The following UBE2E2 variants were observed in gnomAD, a reference collection of about 807,000 sequenced individuals.
UBE2E2 encodes ubiquitin conjugating enzyme E2 E2, also known as ubiquitin-conjugating enzyme E2 E2.
In UBE2E2, 6 loss-of-function variants were observed where a neutral mutation model predicts 24.7. The ratio of observed to expected loss-of-function variants is 0.24; its 90% CI spans 0.13 to 0.48. The LOEUF (loss-of-function observed/expected upper bound fraction) is 0.48, where lower values mean the gene tolerates loss of function less well. UBE2E2 is among the 20% of genes least tolerant of loss of function. The probability of loss-of-function intolerance (pLI) is 0.99; values close to 1 mark genes in which losing one functional copy is unlikely to be tolerated. For missense variants in UBE2E2, 169 were observed against 245.0 expected, an observed-to-expected ratio of 0.69 and a Z score of 2.07; for synonymous variants, 104 against 83.6, an observed-to-expected ratio of 1.24 and a Z score of -1.33.
chr3:23,549,718 C>A (rs1447481938), intron 5 of UBE2E2, among the ~76,000 whole-genome samples: 1 of 152,048 alleles, frequency 6.6e-6, no homozygotes, highest in East Asian at 1.9e-4. Flanking sequence ...GGTGTGATGA[C>A]CTCGCCTTTG....
intron 3 of UBE2E2, among the ~76,000 whole-genome samples, chr3:23,335,374 T>G (rs954760513): frequency 2.6e-5 from 4 of 152,166 alleles, no homozygotes; most frequent in Non-Finnish European, 5.9e-5. Flanking sequence ...CAAGTATTTA[T>G]TTTGACTAAA....
intron 3 of UBE2E2, among the ~76,000 whole-genome samples, chr3:23,341,657 T>C (rs910034073): frequency 1.3e-5 from 2 of 152,204 alleles, no homozygotes; most frequent in African/African-American, 4.8e-5. Context: ...GCATAAACTG[T>C]ATTCTAAAGC....
At chr3:23,355,713 G>A (rs1007738123) in intron 3 of UBE2E2, among the ~76,000 whole-genome samples, 11 of 152,138 alleles carry the variant, frequency 7.2e-5, no homozygotes, top group East Asian at 1.9e-4. Flanking sequence ...CACAGTCTCC[G>A]TAGATACTAA....
intron 3 of UBE2E2, among the ~76,000 whole-genome samples, chr3:23,400,945 CAAACAAAT>C (rs1399211946): frequency 1.3e-5 from 2 of 152,086 alleles, no homozygotes; most frequent in African/African-American, 4.8e-5. Flanking sequence ...AGGCTGTAAT[CAAACAAAT>C]AAATAAGAAA....
intron 4 of UBE2E2, among the ~76,000 whole-genome samples, chr3:23,513,109 A>G (rs1694646503): frequency 1.3e-5 from 2 of 152,146 alleles, no homozygotes; most frequent in Admixed American, 6.5e-5. Flanking sequence ...ATAAAGCAAT[A>G]TGTTTATTTC....
intron 3 of UBE2E2, among the ~76,000 whole-genome samples, chr3:23,262,482 T>G (rs1697931366): frequency 6.6e-6 from 1 of 152,180 alleles, no homozygotes. Context: ...GGTCTCATTA[T>G]GTTGCCTAGG....
At chr3:23,356,243 A>C (rs1057331504) in intron 3 of UBE2E2, among the ~76,000 whole-genome samples, 3 of 152,236 alleles carry the variant, frequency 2.0e-5, no homozygotes, top group Non-Finnish European at 4.4e-5. Flanking sequence ...CATTGAATTT[A>C]GATGATCAAG....
rs751307366 is a variant in UBE2E2 at position 23,475,327 on chromosome 3, G to C, written c.228-24281G>C. On this transcript the variant is annotated intron_variant, in intron 3 of 5. Coordinates refer to ENST00000396703, the MANE Select transcript of UBE2E2 (RefSeq NM_152653.4). ...CTCTGCAATACAGCCCTTTTTACCT[G>C]AATTTCATACCTGGCTGGCATCTGC... 2.6e-5 allele frequency among the ~76,000 whole-genome samples: 4 copies of C among 151,996 alleles called. No homozygotes were observed. The East Asian group carries it at 7.7e-4, about 29-fold the overall frequency.
chr3:23,490,680 T>G (rs1169937725), intron 3 of UBE2E2, among the ~76,000 whole-genome samples: 1 of 152,230 alleles, frequency 6.6e-6, no homozygotes, highest in Non-Finnish European at 1.5e-5. Context: ...TCGTTTACTC[T>G]CTAAGCTTGC....
intron 3 of UBE2E2, among the ~76,000 whole-genome samples, chr3:23,218,852 A>G (rs1559443502): frequency 6.6e-6 from 1 of 152,194 alleles, no homozygotes; most frequent in African/African-American, 2.4e-5. Context: ...CCATAGTTCT[A>G]TTAAAAGTAA....
chr3:23,561,400 C>G (rs1695926112), intron 5 of UBE2E2, among the ~76,000 whole-genome samples: 2 of 152,094 alleles, frequency 1.3e-5, no homozygotes, highest in Admixed American at 6.5e-5. Flanking sequence ...GGTATTATTT[C>G]TGAGGGTTCT....
At chr3:23,413,672 G>A (rs1697551124) in intron 3 of UBE2E2, among the ~76,000 whole-genome samples, 1 of 152,072 alleles carries the variant, frequency 6.6e-6, no homozygotes, top group Non-Finnish European at 1.5e-5. Context: ...CCTTCTCTGT[G>A]TTCCCACAGA....
At chr3:23,500,697 T>C (rs1330146451) in intron 4 of UBE2E2, among the ~76,000 whole-genome samples, 1 of 152,170 alleles carries the variant, frequency 6.6e-6, no homozygotes, top group African/African-American at 2.4e-5. Flanking sequence ...ATAATTCCCC[T>C]CCCTCCTCTT....
chr3:23,428,153 A>G (rs1239071918), intron 3 of UBE2E2, among the ~76,000 whole-genome samples: 1 of 152,232 alleles, frequency 6.6e-6, no homozygotes, highest in African/African-American at 2.4e-5. Flanking sequence ...TCACCAAGGT[A>G]AACTGCATTC....
At chr3:23,460,900 G>A (rs1230465216) in intron 3 of UBE2E2, among the ~76,000 whole-genome samples, 1 of 152,176 alleles carries the variant, frequency 6.6e-6, no homozygotes, top group Non-Finnish European at 1.5e-5. Flanking sequence ...ATAGCCTGCT[G>A]TTTTAGGTTC....
intron 5 of UBE2E2, among the ~76,000 whole-genome samples, chr3:23,545,759 A>G (rs560203750): frequency 1.9e-4 from 29 of 152,332 alleles, no homozygotes; most frequent in African/African-American, 5.8e-4. Flanking sequence ...TATGGAACCA[A>G]TCTAAGTGCC....
chr3:23,352,328 A>G (rs969271424), intron 3 of UBE2E2, among the ~76,000 whole-genome samples: 17 of 152,194 alleles, frequency 1.1e-4, no homozygotes, highest in Non-Finnish European at 2.4e-4. Flanking sequence ...AAAGAGCTAG[A>G]AAAACAAGAG....
intron 3 of UBE2E2, among the ~76,000 whole-genome samples, chr3:23,264,122 G>T (rs1233487019): frequency 6.6e-6 from 1 of 152,148 alleles, no homozygotes; most frequent in Admixed American, 6.5e-5. Flanking sequence ...TGTTGGAAGA[G>T]TTAAGTATCT....
intron 3 of UBE2E2, among the ~76,000 whole-genome samples, chr3:23,243,518 T>C (rs1169544486): frequency 6.6e-6 from 1 of 152,246 alleles, no homozygotes; most frequent in Non-Finnish European, 1.5e-5. Flanking sequence ...GTTCTGAGTT[T>C]TCTCTAAAGA....
Sources: allele counts gnomAD v4.1 joint callset (sites outside exome capture counted in the v4.1 genomes callset), GRCh38; gene constraint gnomAD v4.1.1; transcripts MANE v1.5; gene names NCBI Gene and HGNC (gene_info 2026-07-23, HGNC 2026-07-21).